Variants in USP10 observed in about 807,000 individuals in gnomAD.
USP10 encodes ubiquitin specific peptidase 10.
USP10 carries 22 observed loss-of-function variants against 84.5 expected under a neutral mutation model. The observed-to-expected ratio is 0.26, with a 90% CI of 0.19 to 0.37. USP10 has a LOEUF of 0.37. USP10 is among the 10% of genes least tolerant of loss of function. The pLI is 1.00. For synonymous variants in USP10, 454 were observed against 387.6 expected (o/e 1.17, Z -2.01); for missense variants, 1,019 against 998.9 (o/e 1.02, Z -0.27).
chr16:84,752,461 C>A (rs192472266), intron 4 of USP10, among the ~76,000 whole-genome samples: 1 of 152,184 alleles, frequency 6.6e-6, no homozygotes, highest in East Asian at 1.9e-4. Flanking sequence ...TCCTTGGTGG[C>A]CCGCCTTCCT....
chr16:84,704,756 C>G (rs1905260395), intron 1 of USP10: 1 of 1,533,564 alleles, frequency 6.5e-7, no homozygotes, highest in Non-Finnish European at 8.7e-7. Flanking sequence ...GGCCATGATC[C>G]CATTTTCATC....
At chr16:84,711,910 G>A (rs978949165) in intron 1 of USP10, among the ~76,000 whole-genome samples, 1 of 151,932 alleles carries the variant, frequency 6.6e-6, no homozygotes, top group African/African-American at 2.4e-5. Context: ...AGCAGAGACG[G>A]GGTTTCACCA....
intron 3 of USP10, among the ~76,000 whole-genome samples, chr16:84,741,741 CTCTGCAGCCTT>C (rs1304926663): frequency 6.6e-6 from 1 of 152,244 alleles, no homozygotes; most frequent in Admixed American, 6.5e-5. Context: ...GCCTGCTTTT[CTCTGCAGCCTT>C]TCTGGGTATC....
chr16:84,768,916 A>T (rs1014222930), intron 11 of USP10, among the ~76,000 whole-genome samples: 1 of 152,200 alleles, frequency 6.6e-6, no homozygotes, highest in Non-Finnish European at 1.5e-5. Context: ...GTATCACATT[A>T]TAGCTTGGTG....
chr16:84,764,939 A>AAAAAAAAAAATATAT (rs370383030), intron 10 of USP10, among the ~76,000 whole-genome samples: 8 of 132,264 alleles, frequency 6.0e-5, no homozygotes, highest in Non-Finnish European at 1.1e-4. Context: ...GAGAAAAAAA[A>AAAAAAAAAAATATAT]ATATATATAT....
At position 84,745,045 on chromosome 16, in the gene USP10, T is replaced by C; in HGVS notation, c.564T>C (p.Ser188=). The C allele has an allele frequency of 1.2e-6, 2 of 1,613,704 alleles. No individual in the cohort carries two copies. Among genetic ancestry groups the C allele is most frequent in the South Asian group, 1.1e-5 (1 of 91,070 alleles). Reference sequence around the variant, plus strand: ...ATGCCAATTCAGCAGTCCCGAACAGTGTCAGTGCAGAGGATGCAGAATTTA... The same window carrying C: ...ATGCCAATTCAGCAGTCCCGAACAGCGTCAGTGCAGAGGATGCAGAATTTA... The part of the protein sequence containing the change: ...NGHANSAVPN[S]VSAEDAEFMG... The change falls in exon 4 of 14, where the codon AGT becomes AGC. Residue 188 remains serine (S), a synonymous_variant. Coordinates refer to ENST00000219473, the MANE Select transcript of USP10 (RefSeq NM_005153.3).
chr16:84,765,939 C>T (rs1352390354), intron 10 of USP10, among the ~76,000 whole-genome samples: 1 of 152,220 alleles, frequency 6.6e-6, no homozygotes, highest in Admixed American at 6.5e-5. Flanking sequence ...TGTACCATCT[C>T]CAAGAAGGTT....
chr16:84,742,163 A>G (rs1191827661), intron 3 of USP10, among the ~76,000 whole-genome samples: 1 of 152,234 alleles, frequency 6.6e-6, no homozygotes, highest in Non-Finnish European at 1.5e-5. Flanking sequence ...TACAACAAGT[A>G]ATAATCACAT....
chr16:84,701,299 A>G (rs1413783446), intron 1 of USP10, among the ~76,000 whole-genome samples: 1 of 152,214 alleles, frequency 6.6e-6, no homozygotes, highest in Non-Finnish European at 1.5e-5. Flanking sequence ...AATTAGCTGT[A>G]GTTTAGTTTG....
intron 12 of USP10, among the ~76,000 whole-genome samples, chr16:84,774,526 A>G (rs1260604927): frequency 5.3e-5 from 7 of 133,320 alleles, no homozygotes; most frequent in African/African-American, 2.0e-4. Context: ...GCTGGAGTGC[A>G]GTGGCGCGAT....
At position 84,760,186 on chromosome 16, in the gene USP10, A is replaced by G. The variant is rs1406682897; in HGVS notation, c.1465A>G (p.Ile489Val). 6 of 1,608,162 alleles carry G rather than the reference A, an allele frequency of 3.7e-6. No individual in the cohort carries two copies. The highest frequency in any genetic ancestry group is 4.2e-6 in the Non-Finnish European group (5 of 1,176,890). Residue 489 changes from isoleucine (I) to valine (V), a missense_variant, in exon 8 of 14, where the codon ATC becomes GTC. Ile to Val is a conservative substitution (Grantham distance 29, BLOSUM62 3). Transcript: ENST00000219473. Reference sequence around the variant, plus strand: ...TTCCATTGCAGCTCTTGGAGATAAAATCGTGAGGGATATTCGCCCTGGAGC... The same window carrying G: ...TTCCATTGCAGCTCTTGGAGATAAAGTCGTGAGGGATATTCGCCCTGGAGC... ...PKPRQALGDK[I>V]VRDIRPGAAF...
intron 5 of USP10, 57 bp downstream of exon 5, chr16:84,758,864 G>A: frequency 7.7e-7 from 1 of 1,296,762 alleles, no homozygotes; most frequent in Non-Finnish European, 1.1e-6. Flanking sequence ...CCCTCCTTTG[G>A]GTGCATGTGA....
At chr16:84,740,813 G>A (rs1020189571) in intron 3 of USP10, among the ~76,000 whole-genome samples, 5 of 152,180 alleles carry the variant, frequency 3.3e-5, no homozygotes, top group African/African-American at 1.2e-4. Flanking sequence ...CTGGTCTGTC[G>A]CTGACTCTTG....
At chr16:84,758,395 A>C (rs1197537168) in intron 4 of USP10, among the ~76,000 whole-genome samples, 1 of 152,260 alleles carries the variant, frequency 6.6e-6, no homozygotes, top group South Asian at 2.1e-4. Flanking sequence ...GTATCTCTCA[A>C]ATCTATTCTC....
At chr16:84,733,340 A>G in intron 1 of USP10, 95 bp from the exon 2 acceptor site, 1 of 976,220 alleles carries the variant, frequency 1.0e-6, no homozygotes, top group Admixed American at 2.2e-5. Flanking sequence ...TATGGCCCAA[A>G]TGTTGCATAG....
intron 1 of USP10, among the ~76,000 whole-genome samples, chr16:84,713,541 C>T (rs183318960): frequency 6.6e-6 from 1 of 152,280 alleles, no homozygotes; most frequent in Non-Finnish European, 1.5e-5. Context: ...AATGTAAGCT[C>T]CGTGAGGGCA....
chr16:84,733,431 T>A lies in USP10; in HGVS notation c.22-4T>A. On this transcript the variant is annotated splice_polypyrimidine_tract_variant and splice_region_variant and intron_variant, in intron 1 of 13. Transcript: ENST00000219473. ...TGATCAGTGACTCTCTTATTTTTTT[T>A]CAGTATATTTTTGGAGATTTTAGCC... is the stretch of plus-strand genomic sequence containing the variant. The A allele has an allele frequency of 6.3e-7, 1 of 1,595,202 alleles. No individual in the cohort carries two copies. The highest frequency in any genetic ancestry group is 2.2e-5 in the East Asian group (1 of 44,684).
intron 11 of USP10, 84 bp downstream of exon 11, chr16:84,768,442 T>C (rs1232974356): frequency 4.5e-6 from 6 of 1,338,026 alleles, no homozygotes; most frequent in South Asian, 3.7e-5. Context: ...TGAGGGGAAA[T>C]GGGTTTGAGT....
rs1396418224 is a variant in USP10 at position 84,745,553 on chromosome 16, G to C, written c.1072G>C (p.Ala358Pro). ...DSKPSSSSPV[A>P]YVETKYSPPA... ...TAAGCCCTCTTCCTCCTCGCCGGTG[G>C]CCTATGTGGAAACTAAGTATTCCCC... The change falls in exon 4 of 14, where the codon GCC becomes CCC. Residue 358 changes from alanine (A) to proline (P), a missense_variant. By Grantham distance (27) the Ala-to-Pro change is conservative. Around this residue, in one of 2 missense-constraint regions of USP10, gnomAD observed 787 missense variants for 708.8 expected, o/e 1.11. Coordinates refer to ENST00000219473, the MANE Select transcript of USP10 (RefSeq NM_005153.3). 5.6e-6 allele frequency: 9 copies of C among 1,611,876 alleles called. No individual in the cohort carries two copies. The highest frequency in any genetic ancestry group is 7.6e-6 in the Non-Finnish European group (9 of 1,178,960).
Sources: allele counts gnomAD v4.1 joint callset (sites outside exome capture counted in the v4.1 genomes callset), GRCh38; gene constraint gnomAD v4.1.1; regional missense constraint gnomAD v4.1.1; transcripts MANE v1.5; gene names NCBI Gene and HGNC (gene_info 2026-07-23, HGNC 2026-07-21).